The following MALRD1 variants were observed in gnomAD, a reference collection of about 807,000 sequenced individuals.
The protein encoded by MALRD1 is MAM and LDL receptor class A domain containing 1.
MALRD1 carries 247 observed loss-of-function variants against 242.1 expected under a neutral mutation model. That is an observed-to-expected ratio of 1.02 (90% confidence interval 0.92 to 1.13). MALRD1 has a LOEUF of 1.13. Among genes scored for constraint, MALRD1 ranks in the 50% most tolerant of loss-of-function variants. The probability of loss-of-function intolerance (pLI) is 0.00; values close to 1 mark genes in which losing one functional copy is unlikely to be tolerated. For missense variants in MALRD1, 2,989 were observed against 2,533.1 expected, an observed-to-expected ratio of 1.18 and a Z score of -3.86; for synonymous variants, 995 against 866.6, an observed-to-expected ratio of 1.15 and a Z score of -2.60.
intron 18 of MALRD1, among the ~76,000 whole-genome samples, chr10:19,239,294 A>C (rs1306670584): frequency 2.0e-5 from 3 of 152,080 alleles, no homozygotes; most frequent in Non-Finnish European, 4.4e-5. Flanking sequence ...TCCTGACCTC[A>C]GGCAATCCAC....
chr10:19,086,666 T>G (rs1835678562), intron 2 of MALRD1, among the ~76,000 whole-genome samples: 1 of 152,054 alleles, frequency 6.6e-6, no homozygotes, highest in Admixed American at 6.6e-5. Flanking sequence ...CTTCTAAAGC[T>G]GTACGAGTTG....
At chr10:19,100,004 G>T (rs1217533953) in intron 4 of MALRD1, among the ~76,000 whole-genome samples, 2 of 151,974 alleles carry the variant, frequency 1.3e-5, no homozygotes, top group Admixed American at 6.5e-5. Context: ...CAGGTGATCC[G>T]CCTGCCTTGG....
At chr10:19,518,816 T>C (rs1274564384) in intron 31 of MALRD1, among the ~76,000 whole-genome samples, 2 of 152,220 alleles carry the variant, frequency 1.3e-5, no homozygotes, top group African/African-American at 2.4e-5. Flanking sequence ...GGTTTCAATT[T>C]TAGTGGCAAT....
upstream of MALRD1, among the ~76,000 whole-genome samples, chr10:19,048,365 GACAA>G (rs765882766): frequency 4.9e-4 from 74 of 152,248 alleles, no homozygotes; most frequent in Non-Finnish European, 8.4e-4. Flanking sequence ...GCTATAGACA[GACAA>G]ACAAACAAAA....
chr10:19,428,690 G>C (rs1425335396), intron 28 of MALRD1, among the ~76,000 whole-genome samples: 1 of 149,594 alleles, frequency 6.7e-6, no homozygotes, highest in African/African-American at 2.5e-5. Context: ...TCAAAAATTT[G>C]AAAAAAAAAT....
rs61843302 is a variant in MALRD1, at chr10:19,484,847, A to C, written c.5030-6670A>C. ...GTATCTACCCAAAGGAAAAGTAGGC[A>C]TTATTTACAAAAGGTACCTCCATGT... On this transcript the variant is annotated intron_variant, in intron 29 of 39. Coordinates refer to ENST00000454679, the MANE Select transcript of MALRD1 (RefSeq NM_001142308.3). Among the ~76,000 whole-genome samples, 758 of 152,216 alleles carry C rather than the reference A, an allele frequency of 5.0e-3. 6 individuals are homozygous for C. Among genetic ancestry groups the C allele is most frequent in the Non-Finnish European group, 4.7e-3 (323 of 68,022 alleles).
chr10:19,200,657 T>TG (rs1343715116), intron 14 of MALRD1, among the ~76,000 whole-genome samples: 1 of 145,826 alleles, frequency 6.9e-6, no homozygotes, highest in African/African-American at 2.6e-5. Context: ...TTTTTTTTTT[T>TG]TTTTTTTTTT....
chr10:19,528,651 A>C (rs556010978), intron 31 of MALRD1, among the ~76,000 whole-genome samples: 1 of 152,168 alleles, frequency 6.6e-6, no homozygotes, highest in African/African-American at 2.4e-5. Context: ...GGCAGCCTTT[A>C]TAAAGGGGTG....
chr10:19,454,424 ATATATAT>A (rs1564356596), intron 29 of MALRD1, among the ~76,000 whole-genome samples: 3 of 141,074 alleles, frequency 2.1e-5, no homozygotes, highest in Admixed American at 7.1e-5. Flanking sequence ...ATATATATAT[ATATATAT>A]AATTATATGA....
At chr10:19,182,522 G>A (rs933218308) in intron 14 of MALRD1, among the ~76,000 whole-genome samples, 1 of 151,446 alleles carries the variant, frequency 6.6e-6, no homozygotes, top group African/African-American at 2.4e-5. Flanking sequence ...AGTAGAGACG[G>A]GGTTTCACCG....
Position 19,136,641 on chromosome 10 carries a change from C to T in MALRD1, c.1271C>T (p.Ala424Val). Residue 424 changes from alanine (A) to valine (V), a missense_variant, in exon 10 of 40, where the codon GCC (alanine) becomes GTC (valine). Coordinates refer to ENST00000454679, the MANE Select transcript of MALRD1 (RefSeq NM_001142308.3). ...FIALDHLWVY[A>V]CGQTQSRKLC... is the part of the protein sequence containing the mutation. Reference sequence around the variant, plus strand: ...GCCCTTGATCACCTCTGGGTCTATGCCTGTGGACAGACCCAATCCAGAAAG... The same window carrying T: ...GCCCTTGATCACCTCTGGGTCTATGTCTGTGGACAGACCCAATCCAGAAAG... 1.6e-6 allele frequency: 2 copies of T among 1,231,612 alleles called. 1 individual carries two copies. The allele number at this position is 1,231,612 out of a possible 1,614,324, so 76.3% of individuals were successfully genotyped here.
intron 36 of MALRD1, among the ~76,000 whole-genome samples, chr10:19,669,198 G>A (rs1488383812): frequency 6.6e-6 from 1 of 152,220 alleles, no homozygotes; most frequent in East Asian, 1.9e-4. Flanking sequence ...CTAGAAGCTA[G>A]AAGTTAATGG....
chr10:19,284,105 G>C (rs1045928237), intron 21 of MALRD1, among the ~76,000 whole-genome samples: 7 of 152,184 alleles, frequency 4.6e-5, no homozygotes, highest in South Asian at 2.1e-4. Context: ...GCTGGGGTGG[G>C]ATAAGAAGAG....
intron 32 of MALRD1, among the ~76,000 whole-genome samples, chr10:19,562,605 T>G (rs1338875926): frequency 6.6e-6 from 1 of 152,110 alleles, no homozygotes; most frequent in Non-Finnish European, 1.5e-5. Context: ...CCTCTTTCTT[T>G]CTTCAGTTTT....
At chr10:19,165,850 C>G in intron 13 of MALRD1, 40 bp downstream of exon 13, 1 of 1,216,268 alleles carries the variant, frequency 8.2e-7, no homozygotes. Context: ...ACAGAAGACA[C>G]TTATTTAATG....
intron 18 of MALRD1, 70 bp downstream of exon 18, chr10:19,209,750 T>C: frequency 7.3e-7 from 1 of 1,371,692 alleles, no homozygotes; most frequent in South Asian, 1.5e-5. Context: ...GAAAGATCGC[T>C]GTATTCTCTA....
intron 11 of MALRD1, among the ~76,000 whole-genome samples, chr10:19,149,112 CT>C (rs1833842617): frequency 6.6e-6 from 1 of 151,572 alleles, no homozygotes. Flanking sequence ...ATCTATCTAT[CT>C]ATCTATCTAT....
intron 5 of MALRD1, among the ~76,000 whole-genome samples, chr10:19,115,628 A>G (rs909982090): frequency 3.3e-5 from 5 of 151,834 alleles, no homozygotes; most frequent in African/African-American, 9.7e-5. Flanking sequence ...ATTTTACCAT[A>G]TATGTTTCTC....
At chr10:19,473,593 GT>G (rs1836598974) in intron 29 of MALRD1, among the ~76,000 whole-genome samples, 1 of 151,982 alleles carries the variant, frequency 6.6e-6, no homozygotes, top group African/African-American at 2.4e-5. Context: ...TTTGTGACTG[GT>G]TTATTTCATT....
Sources: gnomAD v4.1 joint callset for allele counts (sites outside exome capture counted in the v4.1 genomes callset) on GRCh38, gnomAD v4.1.1 for gene constraint, MANE v1.5 for transcripts, NCBI Gene and HGNC (gene_info 2026-07-23, HGNC 2026-07-21) for gene names.